Variants in CHD2 observed in about 807,000 individuals in gnomAD.
CHD2 encodes the protein ATP-dependent chromatin remodeler CHD2.
CHD2 carries 28 observed loss-of-function variants against 243.9 expected under a neutral mutation model. The observed-to-expected ratio is 0.11, with a 90% CI of 0.09 to 0.16. CHD2 has a LOEUF of 0.16. Ranked by LOEUF, CHD2 falls within the 10% of genes least tolerant of loss-of-function variation. CHD2 has a pLI of 1.00. For synonymous variants in CHD2, 775 were observed against 779.0 expected, an observed-to-expected ratio of 0.99 and a Z score of 0.09; for missense variants, 1,386 against 2,209.8, an observed-to-expected ratio of 0.63 and a Z score of 7.47.
chr15:92,979,027 T>C, intron 21 of CHD2, 108 bp from the exon 22 acceptor site: 1 of 1,410,942 alleles, frequency 7.1e-7, no homozygotes, highest in Non-Finnish European at 9.6e-7. Flanking sequence ...GAATAAATTC[T>C]GTTAAAATTT....
chr15:92,942,298 T>C (rs149532984), intron 8 of CHD2, among the ~76,000 whole-genome samples: 31 of 152,338 alleles, frequency 2.0e-4, no homozygotes, highest in African/African-American at 7.2e-4. Context: ...TGTGGTAATA[T>C]TGAAGATTTT....
intron 5 of CHD2, among the ~76,000 whole-genome samples, chr15:92,932,987 C>T (rs1425874815): frequency 6.6e-6 from 1 of 151,880 alleles, no homozygotes. Flanking sequence ...AGGTGATCCA[C>T]CCGCCTCAGC....
chr15:92,916,189 C>T (rs2052832002), intron 2 of CHD2, among the ~76,000 whole-genome samples: 1 of 152,096 alleles, frequency 6.6e-6, no homozygotes, highest in South Asian at 2.1e-4. Context: ...TCTCATGTCT[C>T]CCTAAAATGT....
chr15:92,996,269 C>T (rs1444681852), intron 28 of CHD2, among the ~76,000 whole-genome samples: 2 of 151,392 alleles, frequency 1.3e-5, no homozygotes, highest in Non-Finnish European at 2.9e-5. Context: ...ACACCATTCT[C>T]CTGCCTCAGC....
At chr15:92,948,282 TATGACAGCTGGAGGCA>T in intron 12 of CHD2, among the ~76,000 whole-genome samples, 1 of 152,134 alleles carries the variant, frequency 6.6e-6, no homozygotes, top group East Asian at 1.9e-4. Context: ...GTATTTAGCA[TATGACAGCTGGAGGCA>T]ATGTTTTGTA....
intron 3 of CHD2, among the ~76,000 whole-genome samples, chr15:92,925,597 C>G (rs1296105517): frequency 1.3e-5 from 2 of 152,192 alleles, no homozygotes; most frequent in African/African-American, 4.8e-5. Flanking sequence ...TTTCATAGCT[C>G]TAGCAGAGGG....
intron 2 of CHD2, among the ~76,000 whole-genome samples, chr15:92,917,196 T>A (rs185183123): frequency 1.0e-3 from 155 of 152,354 alleles, no homozygotes; most frequent in African/African-American, 3.3e-3. Context: ...AATAACTTAT[T>A]CTGAAGAAGC....
chr15:92,931,886 C>T (rs753778621), intron 5 of CHD2, among the ~76,000 whole-genome samples: 11 of 132,000 alleles, frequency 8.3e-5, no homozygotes, highest in East Asian at 2.1e-4. Context: ...TTTTTTGAGA[C>T]GCAGTCTGGC....
intron 13 of CHD2, among the ~76,000 whole-genome samples, chr15:92,952,645 C>T (rs745821972): frequency 5.3e-5 from 8 of 152,180 alleles, no homozygotes; most frequent in East Asian, 1.9e-4. Flanking sequence ...CAATGGGGAG[C>T]GGCTGAAAAT....
chr15:92,986,059 A>G (rs895775855), intron 26 of CHD2, among the ~76,000 whole-genome samples: 1 of 152,204 alleles, frequency 6.6e-6, no homozygotes, highest in Non-Finnish European at 1.5e-5. Context: ...CCTCCGCCAC[A>G]ATCCCACTTC....
Position 93,012,417 on chromosome 15 carries a change from T to C in CHD2, c.4665T>C (p.Ala1555=). 2.5e-6 allele frequency: 4 copies of C among 1,606,150 alleles called. No homozygotes were observed. The highest frequency in any genetic ancestry group is 3.4e-6 in the Non-Finnish European group (4 of 1,177,572). Residue 1555 remains alanine, a synonymous_variant, in exon 36 of 39, where the codon GCT becomes GCC. Coordinates refer to ENST00000394196, the MANE Select transcript of CHD2 (RefSeq NM_001271.4). ...AACTGCATAAGTTATACAAGATGGC[T>C]CATAAGAAAAGGTCTCAAGAAGAAG... ...ARKLHKLYKM[A]HKKRSQEEEE...
intron 28 of CHD2, among the ~76,000 whole-genome samples, chr15:92,994,631 A>G (rs2054164339): frequency 6.6e-6 from 1 of 152,236 alleles, no homozygotes; most frequent in South Asian, 2.1e-4. Flanking sequence ...AATTGTTTTG[A>G]ATAAGTAATA....
intron 16 of CHD2, among the ~76,000 whole-genome samples, chr15:92,957,148 C>T (rs1446108022): frequency 2.6e-5 from 4 of 152,156 alleles, no homozygotes; most frequent in South Asian, 2.1e-4. Flanking sequence ...TGGTATTCAG[C>T]GATACTTAGA....
chr15:92,990,277 G>A (rs1292978632), intron 26 of CHD2, among the ~76,000 whole-genome samples: 1 of 152,206 alleles, frequency 6.6e-6, no homozygotes, highest in East Asian at 1.9e-4. Context: ...TTGCAGAAGT[G>A]TTAGTTTTGA....
chr15:92,974,517 C>T (rs2053882353), intron 19 of CHD2, among the ~76,000 whole-genome samples: 1 of 152,162 alleles, frequency 6.6e-6, no homozygotes, highest in African/African-American at 2.4e-5. Flanking sequence ...TATTGGGTGA[C>T]CCGTGGTCCT....
intron 2 of CHD2, among the ~76,000 whole-genome samples, chr15:92,911,818 C>A (rs1319153712): frequency 6.6e-6 from 1 of 152,112 alleles, no homozygotes; most frequent in African/African-American, 2.4e-5. Flanking sequence ...TAGTAAAAAT[C>A]TTGCATAATT....
rs572921334 is a variant in CHD2, at chr15:92,900,621, C to T, written c.-275C>T. Reference sequence around the variant, plus strand: ...TGGCGCACCTCCATTTTTGTGCGCTCTCCTAATGAGGTTTTTTTTCTTTCG... The same window carrying T: ...TGGCGCACCTCCATTTTTGTGCGCTTTCCTAATGAGGTTTTTTTTCTTTCG... On this transcript the variant is annotated 5_prime_UTR_variant, in exon 1 of 39. Coordinates refer to ENST00000394196, the MANE Select transcript of CHD2 (RefSeq NM_001271.4). 3.5e-5 allele frequency: 14 copies of T among 398,494 alleles called. No homozygotes were observed. In the South Asian group the frequency reaches 1.7e-3, roughly 47 times the overall value. The allele number at this position is 398,494 out of a possible 1,614,324, so 24.7% of individuals were successfully genotyped here. A position where few individuals can be genotyped will look rare whatever the true frequency, so the allele number is the denominator to read the frequency against.
chr15:92,950,606 T>C (rs1189065175), intron 13 of CHD2, among the ~76,000 whole-genome samples: 1 of 152,122 alleles, frequency 6.6e-6, no homozygotes, highest in African/African-American at 2.4e-5. Context: ...ATACAAAAAT[T>C]AGCTGGACAT....
intron 5 of CHD2, among the ~76,000 whole-genome samples, chr15:92,933,996 GA>G (rs772550964): frequency 5.9e-5 from 9 of 152,188 alleles, no homozygotes; most frequent in Non-Finnish European, 1.0e-4. Context: ...TTGATCATTG[GA>G]ATTTTTTTTT....
Sources: allele counts gnomAD v4.1 joint callset (sites outside exome capture counted in the v4.1 genomes callset), GRCh38; gene constraint gnomAD v4.1.1; transcripts MANE v1.5; gene names NCBI Gene and HGNC (gene_info 2026-07-23, HGNC 2026-07-21).